The following CCDC88A variants were observed in gnomAD, a reference collection of about 807,000 sequenced individuals.
CCDC88A encodes girdin.
Under a neutral mutation model 234.3 loss-of-function variants are expected in CCDC88A, and 54 were observed. The ratio of observed to expected loss-of-function variants is 0.23; its 90% CI spans 0.19 to 0.29. The LOEUF is 0.29. Among genes scored for constraint, CCDC88A ranks in the 10% least tolerant of loss-of-function variants. The probability of loss-of-function intolerance (pLI) is 1.00; values close to 1 mark genes in which losing one functional copy is unlikely to be tolerated. For synonymous variants in CCDC88A, 753 were observed against 737.8 expected, an observed-to-expected ratio of 1.02 and a Z score of -0.33; for missense variants, 1,832 against 2,123.4, an observed-to-expected ratio of 0.86 and a Z score of 2.70.
intron 31 of CCDC88A, chr2:55,292,483 GT>G (rs1253269445): frequency 2.0e-5 from 3 of 151,746 alleles, no homozygotes; most frequent in Non-Finnish European, 4.4e-5. Flanking sequence ...AGAAAGTATT[GT>G]TTTTTTTCTT....
chr2:55,317,307 C>A lies in CCDC88A; in HGVS notation c.3645G>T (p.Leu1215Phe). The A allele has an allele frequency of 6.5e-7, 1 of 1,536,394 alleles. No homozygotes were observed. Among genetic ancestry groups the A allele is most frequent in the South Asian group, 1.3e-5 (1 of 74,508 alleles). The change falls in exon 21 of 33, where the codon TTG (leucine) becomes TTT (phenylalanine). Residue 1215 changes from leucine to phenylalanine, a missense_variant. Transcript: ENST00000436346. The surrounding 1 kb of genome is among the most constrained non-coding windows in gnomAD (Gnocchi z 4.2). ...CCTGTTCTACTTTGAGCATTTTTTCCAAATCTTCCAACTGTCCTTTCTGTT... is the reference window on the plus strand; with the variant it reads ...CCTGTTCTACTTTGAGCATTTTTTCAAAATCTTCCAACTGTCCTTTCTGTT... The part of the protein sequence containing the change: ...LLKQKGQLED[L>F]EKMLKVEQEK...
chr2:55,379,372 T>G (rs1250241980), intron 3 of CCDC88A, among the ~76,000 whole-genome samples: 1 of 152,146 alleles, frequency 6.6e-6, no homozygotes, highest in African/African-American at 2.4e-5. Flanking sequence ...TAACTCAAAT[T>G]ATAAGAAACC....
Position 55,317,907 on chromosome 2 carries a change from A to G in CCDC88A, c.3325-66T>C, listed in dbSNP as rs954912235. ...TTCATGTTCTTTTTCAAAATACAAG[A>G]TTACAATGTTAATTAAAGAAAGCTC... On this transcript the variant is annotated intron_variant, in intron 19 of 32. Transcript: ENST00000436346. The surrounding 1 kb of genome is among the most constrained non-coding windows in gnomAD (Gnocchi z 4.2). The G allele has an allele frequency of 8.8e-7, 1 of 1,135,422 alleles. No individual in the cohort carries two copies. The highest frequency in any genetic ancestry group is 1.5e-5 in the African/African-American group (1 of 64,552). The allele number at this position is 1,135,422 out of a possible 1,614,324, so 70.3% of individuals were successfully genotyped here. A position where few individuals can be genotyped will look rare whatever the true frequency, so the allele number is the denominator to read the frequency against.
intron 3 of CCDC88A, among the ~76,000 whole-genome samples, chr2:55,378,800 C>T (rs1285831058): frequency 6.7e-6 from 1 of 148,200 alleles, no homozygotes; most frequent in Non-Finnish European, 1.5e-5. Flanking sequence ...GGCTGGAGTG[C>T]AGTGGCACGT....
At chr2:55,408,638 T>A (rs185292961) in intron 2 of CCDC88A, among the ~76,000 whole-genome samples, 1 of 152,256 alleles carries the variant, frequency 6.6e-6, no homozygotes, top group East Asian at 1.9e-4. Flanking sequence ...GAGGCATGAA[T>A]AATCTACCCC....
At chr2:55,362,260 T>G (rs1671422303) in intron 7 of CCDC88A, 48 bp downstream of exon 7, 2 of 1,457,090 alleles carry the variant, frequency 1.4e-6, no homozygotes, top group Non-Finnish European at 1.8e-6. Flanking sequence ...TACTATTTTC[T>G]TTTTTGGAAA....
chr2:55,339,535 C>T lies in CCDC88A; in HGVS notation c.1447G>A (p.Val483Met). 1 of 1,613,614 alleles carries T rather than the reference C, an allele frequency of 6.2e-7. No individual in the cohort carries two copies. Among genetic ancestry groups the T allele is most frequent in the Non-Finnish European group, 8.5e-7 (1 of 1,179,814 alleles). The stretch of plus-strand genomic sequence containing the variant: ...GAAGCATTGCCTTCTACAGAATCCA[C>T]AGTAGTCCGAAGCTCTTCTACGGTT... ...TKTVEELRTTVDSVEGNASKI... is the reference protein window; with the variant it reads ...TKTVEELRTTMDSVEGNASKI... Residue 483 changes from valine (V) to methionine (M), a missense_variant, in exon 13 of 33, where the codon GTG becomes ATG. Val to Met is a conservative substitution (Grantham distance 21, BLOSUM62 1). Around this residue, in one of 6 missense-constraint regions of CCDC88A, gnomAD observed 1,282 missense variants for 1,543.6 expected, o/e 0.83. Transcript: ENST00000436346.
intron 8 of CCDC88A, chr2:55,355,301 C>CA (rs1336271682): frequency 3.3e-6 from 1 of 302,172 alleles, no homozygotes; most frequent in African/African-American, 2.2e-5. Context: ...AATGTAAAGA[C>CA]AAAAAACTAA....
At chr2:55,349,150 T>C (rs1469141952) in intron 9 of CCDC88A, 1 of 172,816 alleles carries the variant, frequency 5.8e-6, no homozygotes, top group African/African-American at 2.4e-5. Context: ...TACATATGAG[T>C]TAGCATAAAG....
At chr2:55,418,704 T>A (rs1681864019) in intron 2 of CCDC88A, 112 bp downstream of exon 2, 2 of 759,882 alleles carry the variant, frequency 2.6e-6, no homozygotes, top group Admixed American at 2.2e-5. Context: ...TTAAACCACC[T>A]GAATATTTCT....
intron 12 of CCDC88A, among the ~76,000 whole-genome samples, chr2:55,342,482 G>A (rs1668626111): frequency 6.6e-6 from 1 of 152,038 alleles, no homozygotes; most frequent in African/African-American, 2.4e-5. Flanking sequence ...TCACTATTTT[G>A]TCCCCACTTA....
In CCDC88A at chr2:55,312,494, G is replaced by A. The variant is rs964826682; in HGVS notation, c.4019C>T (p.Thr1340Ile). 3.1e-6 allele frequency: 5 copies of A among 1,611,682 alleles called. No individual in the cohort carries two copies. Among genetic ancestry groups the A allele is most frequent in the Non-Finnish European group, 4.2e-6 (5 of 1,179,220 alleles). Residue 1340 changes from threonine to isoleucine, a missense_variant, in exon 23 of 33, where the codon ACA becomes ATA. Thr to Ile is a moderately conservative substitution (Grantham distance 89). Transcript: ENST00000436346. The part of the protein sequence containing the change: ...QIQTLMLQNR[T>I]LLEQNMESKD... ...GCTTTCCATATTCTGCTCCAAAAGT[G>A]TTCTGTTCTGTAGCATTAATGTCTG...
At chr2:55,418,618 T>C in intron 2 of CCDC88A, 198 bp downstream of exon 2, 2 of 579,200 alleles carry the variant, frequency 3.5e-6, no homozygotes, top group Non-Finnish European at 3.1e-6. Flanking sequence ...AGTTTCACAA[T>C]TTTAACAGGT....
Position 55,334,898 on chromosome 2 carries a change from A to C in CCDC88A, c.1923T>G (p.Asn641Lys). The C allele has an allele frequency of 6.6e-7, 1 of 1,518,916 alleles. No individual in the cohort carries two copies. The highest frequency in any genetic ancestry group is 1.2e-5 in the South Asian group (1 of 81,486). 94.1% of individuals were successfully genotyped at this position (1,518,916 alleles called of 1,614,324 possible). A position where few individuals can be genotyped will look rare whatever the true frequency, so the allele number is the denominator to read the frequency against. ...ENELHHLEKE[N>K]ELLQKKITNL... ...TAGTTATTTTTTTCTGTAATAATTC[A>C]TTTTCTTTTTCAAGATGATGCAATT... The change falls in exon 15 of 33, where the codon AAT (asparagine) becomes AAG (lysine). Residue 641 changes from asparagine to lysine, a missense_variant. Coordinates refer to ENST00000436346, the MANE Select transcript of CCDC88A (RefSeq NM_001365480.1). The surrounding 1 kb of genome is among the most constrained non-coding windows in gnomAD (Gnocchi z 6.1).
Position 55,390,053 on chromosome 2 carries a change from A to AAAAAAAAAAAAAAAAAAAAAAAAAAAG in CCDC88A, c.165-1168_165-1167insCTTTTTTTTTTTTTTTTTTTTTTTTTT, listed in dbSNP as rs377022377. 8.9e-4 allele frequency among the ~76,000 whole-genome samples: 71 copies of AAAAAAAAAAAAAAAAAAAAAAAAAAAG among 79,732 alleles called. 13 individuals carry two copies. Among genetic ancestry groups the AAAAAAAAAAAAAAAAAAAAAAAAAAAG allele is most frequent in the East Asian group, 2.2e-3 (4 of 1,840 alleles). The allele number at this position is 79,732 out of a possible 152,430, so 52.3% of individuals were successfully genotyped here. A position where few individuals can be genotyped will look rare whatever the true frequency, so the allele number is the denominator to read the frequency against. On this transcript the variant is annotated intron_variant, in intron 2 of 32. Transcript: ENST00000436346. Reference sequence around the variant, plus strand: ...GAGACTCAAAAAAAAAAAAAAATAAAAAATAAAGATAGAACATTTCAAAGT... The same window carrying AAAAAAAAAAAAAAAAAAAAAAAAAAAG: ...GAGACTCAAAAAAAAAAAAAAATAAAAAAAAAAAAAAAAAAAAAAAAAAAAAGAAATAAAGATAGAACATTTCAAAGT...
intron 3 of CCDC88A, among the ~76,000 whole-genome samples, chr2:55,380,571 A>G (rs1475030079): frequency 1.3e-5 from 2 of 152,264 alleles, no homozygotes; most frequent in East Asian, 3.9e-4. Flanking sequence ...CTGGCTTTGT[A>G]TAACTTTTTT....
At chr2:55,381,484 C>T (rs13028925) in intron 3 of CCDC88A, among the ~76,000 whole-genome samples, 50,022 of 142,206 alleles carry the variant, frequency 0.35, 9,095 homozygotes, top group East Asian at 0.55. Context: ...GCCCAGGAGG[C>T]GGAGGTTGCA....
chr2:55,408,288 C>A (rs1306971278), intron 2 of CCDC88A, among the ~76,000 whole-genome samples: 1 of 152,078 alleles, frequency 6.6e-6, no homozygotes, highest in Non-Finnish European at 1.5e-5. Context: ...ACCTACTCTT[C>A]CTTCATTCTT....
intron 3 of CCDC88A, among the ~76,000 whole-genome samples, chr2:55,384,190 T>C (rs1241101149): frequency 6.7e-6 from 1 of 149,620 alleles, no homozygotes; most frequent in Non-Finnish European, 1.5e-5. Flanking sequence ...AATCAATCAA[T>C]AAAAAATGTA....
Sources: allele counts gnomAD v4.1 joint callset (sites outside exome capture counted in the v4.1 genomes callset), GRCh38; gene constraint gnomAD v4.1.1; regional missense constraint gnomAD v4.1.1; non-coding constraint Gnocchi (gnomAD v3.1); transcripts MANE v1.5; gene names NCBI Gene and HGNC (gene_info 2026-07-23, HGNC 2026-07-21).